Variants in CSMD1 observed in about 807,000 individuals in gnomAD.
CSMD1 encodes CUB and Sushi multiple domains 1, also known as CUB and sushi domain-containing protein 1.
CSMD1 carries 213 observed loss-of-function variants against 417.5 expected under a neutral mutation model. That is an observed-to-expected ratio of 0.51 (90% CI 0.46 to 0.57). The LOEUF (loss-of-function observed/expected upper bound fraction) is 0.57. Among genes scored for constraint, CSMD1 ranks in the 20% least tolerant of loss-of-function variants. The probability of loss-of-function intolerance (pLI) is 0.00; values close to 1 mark genes in which losing one functional copy is unlikely to be tolerated. For synonymous variants in CSMD1, 2,862 were observed against 1,736.8 expected, an observed-to-expected ratio of 1.65 and a Z score of -16.11; for missense variants, 6,923 against 4,529.7, an observed-to-expected ratio of 1.53 and a Z score of -15.17.
intron 2 of CSMD1, among the ~76,000 whole-genome samples, chr8:4,507,407 T>C (rs565282900): frequency 1.3e-5 from 2 of 152,318 alleles, no homozygotes; most frequent in East Asian, 3.9e-4. Flanking sequence ...TCCAAATATT[T>C]GTTCTGCTCA....
At chr8:4,881,325 A>G (rs1803381895) in intron 1 of CSMD1, among the ~76,000 whole-genome samples, 1 of 151,856 alleles carries the variant, frequency 6.6e-6, no homozygotes, top group South Asian at 2.1e-4. Context: ...TTATTTGAAT[A>G]CATAATAACT....
chr8:3,080,672 C>A (rs961461348), intron 49 of CSMD1, among the ~76,000 whole-genome samples: 1 of 152,156 alleles, frequency 6.6e-6, no homozygotes, highest in African/African-American at 2.4e-5. Flanking sequence ...CCTCCCAAAT[C>A]CCCTTCAAGA....
At chr8:4,975,004 T>C (rs928039764) in intron 1 of CSMD1, among the ~76,000 whole-genome samples, 23 of 152,130 alleles carry the variant, frequency 1.5e-4, no homozygotes, top group Non-Finnish European at 1.0e-4. Context: ...AAAATGGATG[T>C]TTTTTTCTAG....
At chr8:3,746,678 T>G (rs1322789393) in intron 6 of CSMD1, among the ~76,000 whole-genome samples, 1 of 152,206 alleles carries the variant, frequency 6.6e-6, no homozygotes, top group Non-Finnish European at 1.5e-5. Context: ...TAGTAAGAAA[T>G]TATCCCCAAT....
chr8:4,148,124 A>G (rs536143197), intron 3 of CSMD1, among the ~76,000 whole-genome samples: 3 of 152,246 alleles, frequency 2.0e-5, no homozygotes, highest in South Asian at 4.1e-4. Flanking sequence ...TGCGCGTGAC[A>G]TGCTCTGGGT....
At chr8:4,764,504 C>T (rs959802119) in intron 1 of CSMD1, among the ~76,000 whole-genome samples, 1 of 151,906 alleles carries the variant, frequency 6.6e-6, no homozygotes, top group Non-Finnish European at 1.5e-5. Flanking sequence ...ATTAGTATTC[C>T]AAGGAATGGA....
chr8:3,307,071 C>G (rs1503277), intron 25 of CSMD1, among the ~76,000 whole-genome samples: 3 of 151,970 alleles, frequency 2.0e-5, no homozygotes, highest in Admixed American at 1.3e-4. Flanking sequence ...TCCCTGCACA[C>G]AAGTCTTTTT....
chr8:4,771,485 A>G (rs1334272560), intron 1 of CSMD1, among the ~76,000 whole-genome samples: 1 of 152,242 alleles, frequency 6.6e-6, no homozygotes, highest in Non-Finnish European at 1.5e-5. Context: ...AGTCGTGAGA[A>G]TGCGCAGTTA....
At chr8:4,931,116 G>C (rs1481498811) in intron 1 of CSMD1, among the ~76,000 whole-genome samples, 2 of 152,084 alleles carry the variant, frequency 1.3e-5, no homozygotes, top group African/African-American at 4.8e-5. Flanking sequence ...TTTTCCATTA[G>C]CCTGATATGA....
At chr8:4,852,465 G>C (rs1326336544) in intron 1 of CSMD1, among the ~76,000 whole-genome samples, 3 of 152,044 alleles carry the variant, frequency 2.0e-5, no homozygotes, top group Non-Finnish European at 4.4e-5. Context: ...TGCTTGATGA[G>C]GCCTCACCAG....
At chr8:4,239,094 G>C (rs1230074980) in intron 3 of CSMD1, among the ~76,000 whole-genome samples, 3 of 152,088 alleles carry the variant, frequency 2.0e-5, no homozygotes, top group Non-Finnish European at 2.9e-5. Flanking sequence ...ATGTCACATA[G>C]TATTTTCTTA....
At chr8:3,652,640 A>G (rs1424593747) in intron 7 of CSMD1, among the ~76,000 whole-genome samples, 1 of 152,200 alleles carries the variant, frequency 6.6e-6, no homozygotes, top group African/African-American at 2.4e-5. Context: ...TTATGGAACC[A>G]TCAGATCTCG....
chr8:4,567,426 G>C lies in CSMD1; in HGVS notation c.302+69916C>G, dbSNP rs190456748. ...GCTGTGGAGAAAACAACAACAAATG[G>C]CATTTTTTTCCTACCTCGTCTCTTT... On this transcript the variant is annotated intron_variant, in intron 2 of 69. Transcript: ENST00000635120. 9.2e-5 allele frequency among the ~76,000 whole-genome samples: 14 copies of C among 152,200 alleles called. No homozygotes were observed. In the East Asian group the frequency reaches 2.3e-3, roughly 25 times the overall value.
chr8:4,192,640 C>G (rs1799095496), intron 3 of CSMD1, among the ~76,000 whole-genome samples: 1 of 152,202 alleles, frequency 6.6e-6, no homozygotes, highest in African/African-American at 2.4e-5. Flanking sequence ...CATATTTGCT[C>G]AGGGATCAGA....
At chr8:3,234,016 A>T (rs973041987) in intron 26 of CSMD1, among the ~76,000 whole-genome samples, 3 of 152,156 alleles carry the variant, frequency 2.0e-5, no homozygotes, top group African/African-American at 7.2e-5. Flanking sequence ...CCACTCTGTG[A>T]GTAGAACACC....
intron 2 of CSMD1, among the ~76,000 whole-genome samples, chr8:4,531,318 C>A (rs1268474112): frequency 6.6e-6 from 1 of 152,122 alleles, no homozygotes; most frequent in Non-Finnish European, 1.5e-5. Context: ...GGAATGTATT[C>A]AGGTCATTTA....
chr8:4,557,832 A>T (rs1798164834), intron 2 of CSMD1, among the ~76,000 whole-genome samples: 1 of 152,202 alleles, frequency 6.6e-6, no homozygotes, highest in Non-Finnish European at 1.5e-5. Context: ...TACGTTTCAT[A>T]GCTCTACATC....
intron 1 of CSMD1, among the ~76,000 whole-genome samples, chr8:4,672,456 T>A (rs139367075): frequency 6.6e-6 from 1 of 152,038 alleles, no homozygotes; most frequent in Non-Finnish European, 1.5e-5. Flanking sequence ...ATTTTCTCAA[T>A]GAGAAAAGAG....
intron 2 of CSMD1, among the ~76,000 whole-genome samples, chr8:4,466,258 C>A (rs936605144): frequency 5.9e-5 from 9 of 151,786 alleles, no homozygotes; most frequent in Non-Finnish European, 8.8e-5. Context: ...AACCACAGAT[C>A]AGTGGAAGAA....
Sources: allele counts gnomAD v4.1 joint callset (sites outside exome capture counted in the v4.1 genomes callset), GRCh38; gene constraint gnomAD v4.1.1; transcripts MANE v1.5; gene names NCBI Gene and HGNC (gene_info 2026-07-23, HGNC 2026-07-21).